Variants in RGS5 observed in about 807,000 individuals in gnomAD.
RGS5 encodes the protein regulator of G-protein signalling 5.
A neutral mutation model predicts 18.9 loss-of-function variants in RGS5; 20 were observed. The observed-to-expected ratio is 1.06, with a 90% CI of 0.74 to 1.54. The LOEUF is 1.54. Among genes scored for constraint, RGS5 ranks in the 40% most tolerant of loss-of-function variants. The pLI is 0.00. For missense variants in RGS5, 201 were observed against 211.8 expected, an observed-to-expected ratio of 0.95 and a Z score of 0.32; for synonymous variants, 57 against 76.2, an observed-to-expected ratio of 0.75 and a Z score of 1.31.
chr1:163,199,718 C>T (rs1659703052), intron 1 of RGS5, among the ~76,000 whole-genome samples: 1 of 152,064 alleles, frequency 6.6e-6, no homozygotes, highest in African/African-American at 2.4e-5. Flanking sequence ...TGCCATGGCC[C>T]AGTGGTTTCA....
intron 1 of RGS5, among the ~76,000 whole-genome samples, chr1:163,170,081 C>T (rs1426724121): frequency 6.6e-6 from 1 of 152,124 alleles, no homozygotes; most frequent in East Asian, 1.9e-4. Context: ...AGAAAAGCAC[C>T]AGGCAAATCT....
intron 2 of RGS5, among the ~76,000 whole-genome samples, chr1:163,254,150 C>A (rs1050812339): frequency 1.3e-5 from 2 of 149,990 alleles, no homozygotes; most frequent in Non-Finnish European, 3.0e-5. Context: ...ATTTATAGTC[C>A]TTTGGGTATA....
At chr1:163,316,583 C>CA (rs11365345) in intron 1 of RGS5, among the ~76,000 whole-genome samples, 33 of 143,908 alleles carry the variant, frequency 2.3e-4, no homozygotes, top group East Asian at 1.3e-3. Flanking sequence ...GACCCTATCT[C>CA]AAAAAAAAAA....
intron 1 of RGS5, among the ~76,000 whole-genome samples, chr1:163,217,184 A>G (rs983269631): frequency 5.3e-5 from 8 of 152,146 alleles, no homozygotes; most frequent in Non-Finnish European, 5.9e-5. Context: ...AACCTCCATG[A>G]CACAAGTTTA....
chr1:163,251,990 G>A (rs1648117877), intron 2 of RGS5, among the ~76,000 whole-genome samples: 1 of 152,144 alleles, frequency 6.6e-6, no homozygotes. Context: ...TTTTGTGGAT[G>A]TATGTTTTCA....
chr1:163,208,927 T>C (rs1266011128), intron 1 of RGS5, among the ~76,000 whole-genome samples: 2 of 151,780 alleles, frequency 1.3e-5, no homozygotes, highest in African/African-American at 4.8e-5. Context: ...ACACACACAC[T>C]CACACGTACT....
intron 2 of RGS5, among the ~76,000 whole-genome samples, chr1:163,265,443 C>G (rs1038736960): frequency 6.6e-6 from 1 of 152,038 alleles, no homozygotes; most frequent in Non-Finnish European, 1.5e-5. Context: ...GCAACTTGTA[C>G]CTTTATCATC....
chr1:163,187,026 C>A (rs1368678556), intron 1 of RGS5, among the ~76,000 whole-genome samples: 1 of 152,092 alleles, frequency 6.6e-6, no homozygotes, highest in African/African-American at 2.4e-5. Flanking sequence ...GCTCTCGAGC[C>A]AGTATCCATT....
At chr1:163,224,865 T>G (rs1219990541) in intron 2 of RGS5, among the ~76,000 whole-genome samples, 1 of 152,196 alleles carries the variant, frequency 6.6e-6, no homozygotes, top group Non-Finnish European at 1.5e-5. Flanking sequence ...TTCAGATATT[T>G]TGGCCATCAG....
intron 2 of RGS5, among the ~76,000 whole-genome samples, chr1:163,264,197 G>A (rs1648522116): frequency 6.6e-6 from 1 of 151,972 alleles, no homozygotes; most frequent in African/African-American, 2.4e-5. Flanking sequence ...GTGCCCCAAG[G>A]GGTACGATTT....
chr1:163,305,778 A>G (rs1571353088), intron 2 of RGS5, among the ~76,000 whole-genome samples: 1 of 152,142 alleles, frequency 6.6e-6, no homozygotes, highest in African/African-American at 2.4e-5. Flanking sequence ...ATCTCTATCT[A>G]CTATGATTCT....
chr1:163,253,590 G>A (rs539094905), intron 2 of RGS5, among the ~76,000 whole-genome samples: 17 of 151,290 alleles, frequency 1.1e-4, no homozygotes, highest in East Asian at 5.8e-4. Flanking sequence ...GATTACAGGC[G>A]TGAGCCACCG....
chr1:163,286,416 T>C (rs1649148238), intron 2 of RGS5, among the ~76,000 whole-genome samples: 1 of 148,052 alleles, frequency 6.8e-6, no homozygotes, highest in Non-Finnish European at 1.5e-5. Context: ...TGTAATTACA[T>C]ATGTAAATTA....
At chr1:163,208,983 T>C (rs562982183) in intron 1 of RGS5, among the ~76,000 whole-genome samples, 2 of 152,218 alleles carry the variant, frequency 1.3e-5, no homozygotes, top group South Asian at 4.1e-4. Context: ...ATAGAGAATC[T>C]AACTTCTTCT....
intron 2 of RGS5, chr1:163,304,160 T>A (rs536195996): frequency 1.2e-4 from 18 of 152,338 alleles, no homozygotes; most frequent in African/African-American, 4.1e-4. Context: ...AATGTGATTA[T>A]AAAAGGACCC....
At chr1:163,318,386 T>A (rs1650085308) in intron 1 of RGS5, among the ~76,000 whole-genome samples, 1 of 152,148 alleles carries the variant, frequency 6.6e-6, no homozygotes, top group African/African-American at 2.4e-5. Flanking sequence ...GGCTGCTACT[T>A]ACAAGATGGA....
At chr1:163,282,064 C>G (rs1409347537) in intron 2 of RGS5, among the ~76,000 whole-genome samples, 1 of 151,944 alleles carries the variant, frequency 6.6e-6, no homozygotes, top group Non-Finnish European at 1.5e-5. Context: ...CACACACACA[C>G]ACAAACAAAA....
At chr1:163,314,149 T>C (rs11585494) in intron 1 of RGS5, among the ~76,000 whole-genome samples, 52,936 of 151,920 alleles carry the variant, frequency 0.35, 9,831 homozygotes, top group Non-Finnish European at 0.42. Context: ...TGCACTATCA[T>C]TATTATAAAA....
At chr1:163,156,869 T>C (rs1657602020) in intron 3 of RGS5, among the ~76,000 whole-genome samples, 2 of 152,172 alleles carry the variant, frequency 1.3e-5, no homozygotes, top group Admixed American at 6.5e-5. Context: ...AATTAACATA[T>C]GCAAAGTGCT....
Sources: gnomAD v4.1 joint callset for allele counts (sites outside exome capture counted in the v4.1 genomes callset) on GRCh38, gnomAD v4.1.1 for gene constraint, MANE v1.5 for transcripts, NCBI Gene and HGNC (gene_info 2026-07-23, HGNC 2026-07-21) for gene names.